Variants in WDR1 observed in about 807,000 individuals in gnomAD.
WDR1 encodes WD repeat domain 1.
In WDR1, 21 loss-of-function variants were observed where a neutral mutation model predicts 71.9. That is an observed-to-expected ratio of 0.29 (90% CI 0.21 to 0.42). WDR1 has a LOEUF of 0.42. Ranked by LOEUF, WDR1 falls within the 10% of genes least tolerant of loss-of-function variation. The pLI is 1.00. For synonymous variants in WDR1, 424 were observed against 347.4 expected (o/e 1.22, Z -2.45); for missense variants, 696 against 824.5 (o/e 0.84, Z 1.91).
At chr4:10,079,313 C>T (rs567557166) in intron 11 of WDR1, among the ~76,000 whole-genome samples, 2 of 152,364 alleles carry the variant, frequency 1.3e-5, no homozygotes, top group South Asian at 2.1e-4. Flanking sequence ...TGGGAATCAA[C>T]GTTCAGGGTA....
chr4:10,116,008 C>T (rs866367941), intron 2 of WDR1, 105 bp downstream of exon 2: 18 of 1,471,586 alleles, frequency 1.2e-5, no homozygotes, highest in Non-Finnish European at 1.4e-5. Context: ...CGCCCTCACC[C>T]TCCCCGGGCC....
At chr4:10,090,959 T>G (rs1366815025) in intron 5 of WDR1, among the ~76,000 whole-genome samples, 2 of 152,244 alleles carry the variant, frequency 1.3e-5, no homozygotes, top group East Asian at 3.8e-4. Flanking sequence ...AGGACAGGGA[T>G]GGAAGCACCA....
rs141888900 is a variant in WDR1, at chr4:10,078,948, G to A, written c.1338C>T (p.Tyr446=). The A allele has an allele frequency of 2.9e-4, 469 of 1,612,676 alleles. No individual in the cohort carries two copies. In the African/African-American group the frequency reaches 5.3e-3, roughly 18 times the overall value. ...GGTGCACTGCCACAACTTCGGGCTCGTAGCCGGGGTTGTCGATGCTGAAGC... is the reference window on the plus strand; with the variant it reads ...GGTGCACTGCCACAACTTCGGGCTCATAGCCGGGGTTGTCGATGCTGAAGC... The part of the protein sequence containing the change: ...RKCFSIDNPG[Y]EPEVVAVHPG... Residue 446 remains tyrosine (Y), a synonymous_variant, in exon 12 of 15, where the codon TAC becomes TAT. Transcript: ENST00000499869.
chr4:10,077,462 G>A lies in WDR1; in HGVS notation c.1570-14C>T, dbSNP rs776846529. The A allele has an allele frequency of 1.2e-6, 2 of 1,613,814 alleles. No homozygotes were observed. Among genetic ancestry groups the A allele is most frequent in the Non-Finnish European group, 8.5e-7 (1 of 1,179,854 alleles). On this transcript the variant is annotated splice_polypyrimidine_tract_variant and intron_variant, in intron 13 of 14. Coordinates refer to ENST00000499869, the MANE Select transcript of WDR1 (RefSeq NM_017491.5). ...AACATTGTTCTCCTAGTTGCAGGTT[G>A]AAAACAAGAGAGGTGGCAGGTCAGG...
Position 10,087,692 on chromosome 4 carries a change from C to T in WDR1, c.951+15G>A. 1 of 1,566,436 alleles carries T rather than the reference C, an allele frequency of 6.4e-7. No individual in the cohort carries two copies. Among genetic ancestry groups the T allele is most frequent in the South Asian group, 1.2e-5 (1 of 85,132 alleles). Reference sequence around the variant, plus strand: ...TCCACCCAGCGGGCAGAGCCTTCCCCAGGGCAGGCCTTACCTTGATGACGT... The same window carrying T: ...TCCACCCAGCGGGCAGAGCCTTCCCTAGGGCAGGCCTTACCTTGATGACGT... On this transcript the variant is annotated intron_variant, in intron 8 of 14. Coordinates refer to ENST00000499869, the MANE Select transcript of WDR1 (RefSeq NM_017491.5).
At chr4:10,093,246 CCACAAGCCCACCCTTAGGCTGTT>C in intron 5 of WDR1, 1 of 844,504 alleles carries the variant, frequency 1.2e-6, no homozygotes, top group Non-Finnish European at 1.7e-6. Flanking sequence ...CACAAGAGGA[CCACAAGCCCACCCTTAGGCTGTT>C]CACATGCCTA....
intron 5 of WDR1, chr4:10,092,611 C>G (rs1036635361): frequency 4.4e-6 from 1 of 229,538 alleles, no homozygotes; most frequent in African/African-American, 2.3e-5. Flanking sequence ...ATCCCCATCA[C>G]CTTTTCCTGC....
intron 2 of WDR1, chr4:10,108,277 T>C (rs1236828948): frequency 6.6e-6 from 1 of 152,180 alleles, no homozygotes; most frequent in Non-Finnish European, 1.5e-5. Flanking sequence ...ACTACTCCAA[T>C]TTACAGGTAG....
intron 3 of WDR1, among the ~76,000 whole-genome samples, chr4:10,102,934 C>T (rs181733773): frequency 6.6e-6 from 1 of 152,242 alleles, no homozygotes; most frequent in Non-Finnish European, 1.5e-5. Flanking sequence ...ATCTGTTGAG[C>T]TTATGAATGA....
chr4:10,077,665 A>G (rs1046330066), intron 13 of WDR1, 88 bp downstream of exon 13: 9 of 1,472,372 alleles, frequency 6.1e-6, no homozygotes, highest in Non-Finnish European at 8.1e-6. Flanking sequence ...AGACAGGCTC[A>G]GCTCAAGGTC....
At chr4:10,077,960 C>T in intron 12 of WDR1, 34 bp from the exon 13 acceptor site, 2 of 1,570,028 alleles carry the variant, frequency 1.3e-6, no homozygotes, top group Non-Finnish European at 1.7e-6. Context: ...TGAGCCACCC[C>T]TGAACACACA....
chr4:10,077,039 G>C (rs889554590), intron 14 of WDR1: 7 of 459,714 alleles, frequency 1.5e-5, no homozygotes, highest in Non-Finnish European at 2.7e-5. Context: ...AGGGGTGAGT[G>C]GGGGAAGTGA....
Position 10,095,393 on chromosome 4 carries a change from C to T in WDR1, c.558+2318G>A, listed in dbSNP as rs1712274180. Among the ~76,000 whole-genome samples, 6 of 152,332 alleles carry T rather than the reference C, an allele frequency of 3.9e-5. No individual in the cohort carries two copies. In the South Asian group the frequency reaches 1.2e-3, roughly 32 times the overall value. ...ACTTCCACATCCCAGGCTTTCCGACCACATCAGAAGAGCCCACATACGGGA... is the reference window on the plus strand; with the variant it reads ...ACTTCCACATCCCAGGCTTTCCGACTACATCAGAAGAGCCCACATACGGGA... On this transcript the variant is annotated intron_variant, in intron 5 of 14. Coordinates refer to ENST00000499869, the MANE Select transcript of WDR1 (RefSeq NM_017491.5).
intron 2 of WDR1, 96 bp downstream of exon 2, chr4:10,116,017 C>G: frequency 6.7e-7 from 1 of 1,501,178 alleles, no homozygotes; most frequent in Non-Finnish European, 9.0e-7. Context: ...CCTCCCCGGG[C>G]CAATGGGCAG....
chr4:10,097,216 T>C (rs1018852109), intron 5 of WDR1, among the ~76,000 whole-genome samples: 7 of 152,268 alleles, frequency 4.6e-5, no homozygotes, highest in Non-Finnish European at 1.0e-4. Context: ...GCCTGCCGCA[T>C]TTCTGGCACA....
In WDR1 at chr4:10,077,710, A is replaced by G; in HGVS notation, c.1569+43T>C. 3 of 1,510,592 alleles carry G rather than the reference A, an allele frequency of 2.0e-6. No homozygotes were observed. In the South Asian group the frequency reaches 3.9e-5, roughly 20 times the overall value. 93.6% of individuals were successfully genotyped at this position (1,510,592 alleles called of 1,614,324 possible). A position where few individuals can be genotyped will look rare whatever the true frequency, so the allele number is the denominator to read the frequency against. On this transcript the variant is annotated intron_variant, in intron 13 of 14. Transcript: ENST00000499869. ...CAGATAACCTCCCACTGCCACCTGCACCGCCCAGCACGGGGACAGAGGAGG... is the reference window on the plus strand; with the variant it reads ...CAGATAACCTCCCACTGCCACCTGCGCCGCCCAGCACGGGGACAGAGGAGG...
At chr4:10,111,352 C>G (rs2108805368) in intron 2 of WDR1, among the ~76,000 whole-genome samples, 1 of 152,332 alleles carries the variant, frequency 6.6e-6, no homozygotes, top group South Asian at 2.1e-4. Flanking sequence ...GCCCAGCGTC[C>G]TGACTGGCAC....
chr4:10,093,487 G>A (rs1273275645), intron 5 of WDR1, among the ~76,000 whole-genome samples: 1 of 152,266 alleles, frequency 6.6e-6, no homozygotes, highest in Non-Finnish European at 1.5e-5. Flanking sequence ...CAGCCCTGCA[G>A]CCCGGTCCAC....
At chr4:10,087,298 C>T (rs1578424326) in intron 8 of WDR1, among the ~76,000 whole-genome samples, 2 of 152,392 alleles carry the variant, frequency 1.3e-5, no homozygotes, top group East Asian at 1.9e-4. Flanking sequence ...TGGACCTCAG[C>T]GATGCCCCGT....
Sources: gnomAD v4.1 joint callset for allele counts (sites outside exome capture counted in the v4.1 genomes callset) on GRCh38, gnomAD v4.1.1 for gene constraint, MANE v1.5 for transcripts, NCBI Gene and HGNC (gene_info 2026-07-23, HGNC 2026-07-21) for gene names.